The following GTF2E2 variants were observed in gnomAD, a reference collection of about 807,000 sequenced individuals.
GTF2E2 encodes the protein transcription initiation factor IIE subunit beta.
A neutral mutation model predicts 40.5 loss-of-function variants in GTF2E2; 21 were observed. The observed-to-expected ratio is 0.52, with a 90% CI of 0.37 to 0.75. GTF2E2 has a LOEUF of 0.75. Among genes scored for constraint, GTF2E2 ranks in the 30% least tolerant of loss-of-function variants. GTF2E2 has a pLI of 0.00. For synonymous variants in GTF2E2, 117 were observed against 121.6 expected (o/e 0.96, Z 0.25); for missense variants, 298 against 338.4 (o/e 0.88, Z 0.94).
chr8:30,621,401 G>A (rs1048063741), intron 3 of GTF2E2, among the ~76,000 whole-genome samples: 1 of 151,936 alleles, frequency 6.6e-6, no homozygotes, highest in African/African-American at 2.4e-5. Flanking sequence ...GTTGCTAAGG[G>A]GAAGCTACTG....
intron 2 of GTF2E2, among the ~76,000 whole-genome samples, chr8:30,648,957 T>C (rs1015711155): frequency 6.6e-6 from 1 of 152,206 alleles, no homozygotes; most frequent in African/African-American, 2.4e-5. Flanking sequence ...GGGACCTGTT[T>C]GTGGGGAAGA....
intron 2 of GTF2E2, chr8:30,645,420 C>T: frequency 6.5e-7 from 1 of 1,535,698 alleles, no homozygotes; most frequent in Non-Finnish European, 8.7e-7. Flanking sequence ...CCTGCTTTGT[C>T]ATCCTGCTTT....
At chr8:30,607,475 CT>C (rs1585958350) in intron 5 of GTF2E2, among the ~76,000 whole-genome samples, 2 of 152,202 alleles carry the variant, frequency 1.3e-5, no homozygotes, top group East Asian at 3.9e-4. Context: ...GACAAAGGGT[CT>C]CACTATGTTG....
chr8:30,652,260 A>T (rs1802304633), intron 2 of GTF2E2, among the ~76,000 whole-genome samples: 1 of 152,232 alleles, frequency 6.6e-6, no homozygotes, highest in South Asian at 2.1e-4. Flanking sequence ...ACATACAAAG[A>T]CACTATTAAG....
intron 3 of GTF2E2, among the ~76,000 whole-genome samples, chr8:30,627,031 G>A (rs1801297234): frequency 6.6e-6 from 1 of 152,180 alleles, no homozygotes; most frequent in African/African-American, 2.4e-5. Context: ...AGGGGGTATA[G>A]TGGATAGAAT....
At position 30,587,997 on chromosome 8, in the gene GTF2E2, A is replaced by G. The variant is rs912910980; in HGVS notation, c.644-7601T>C. On this transcript the variant is annotated intron_variant, in intron 6 of 7. Coordinates refer to ENST00000355904, the MANE Select transcript of GTF2E2 (RefSeq NM_002095.6). ...CAACTGGGGCAGAGACTTAAAGGAA[A>G]AAGGAGAAAGAGAAGTACAATGAGC... is the stretch of plus-strand genomic sequence containing the variant. Among the ~76,000 whole-genome samples, 20 of 152,198 alleles carry G rather than the reference A, an allele frequency of 1.3e-4. 1 individual carries two copies. Among genetic ancestry groups the G allele is most frequent in the Non-Finnish European group, 5.9e-5 (4 of 68,046 alleles).
chr8:30,619,410 C>T (rs1293591737), intron 3 of GTF2E2, among the ~76,000 whole-genome samples: 159 of 143,984 alleles, frequency 1.1e-3, no homozygotes, highest in African/African-American at 2.1e-4. Flanking sequence ...TTTTTTGAGA[C>T]GGAGTTTCGC....
At chr8:30,612,229 A>G in intron 5 of GTF2E2, 70 bp downstream of exon 5, 2 of 974,498 alleles carry the variant, frequency 2.1e-6, no homozygotes, top group Non-Finnish European at 3.1e-6. Context: ...AAAATGTTTG[A>G]TATTTTTAAA....
chr8:30,611,136 G>T (rs1032216743), intron 5 of GTF2E2, among the ~76,000 whole-genome samples: 3 of 152,292 alleles, frequency 2.0e-5, no homozygotes, highest in Admixed American at 2.0e-4. Flanking sequence ...TAGAAGAACA[G>T]AAGAGACATA....
intron 3 of GTF2E2, among the ~76,000 whole-genome samples, chr8:30,615,096 T>C (rs540768650): frequency 1.4e-4 from 21 of 152,092 alleles, no homozygotes; most frequent in African/African-American, 4.3e-4. Flanking sequence ...CTGGCCAACA[T>C]GGTGAAACCC....
chr8:30,618,063 CCG>C (rs1345853154), intron 3 of GTF2E2, among the ~76,000 whole-genome samples: 1 of 152,092 alleles, frequency 6.6e-6, no homozygotes, highest in Non-Finnish European at 1.5e-5. Flanking sequence ...CTTTGGGAGG[CCG>C]AGGCAGATGG....
At chr8:30,584,086 G>A (rs529843000) in intron 6 of GTF2E2, among the ~76,000 whole-genome samples, 48 of 152,120 alleles carry the variant, frequency 3.2e-4, no homozygotes, top group Middle Eastern at 3.4e-3. Flanking sequence ...GATTACAGGC[G>A]TGAGCCACCG....
At chr8:30,636,873 AAG>A (rs2128724282) in intron 2 of GTF2E2, 17 of 363,604 alleles carry the variant, frequency 4.7e-5, no homozygotes, top group South Asian at 1.6e-4. Context: ...AAAAAAAAAA[AAG>A]AATGCCTTAT....
At chr8:30,588,500 C>T (rs892127620) in intron 6 of GTF2E2, among the ~76,000 whole-genome samples, 10 of 152,086 alleles carry the variant, frequency 6.6e-5, no homozygotes, top group African/African-American at 2.2e-4. Context: ...TTCACCTCTA[C>T]GTGGAATCTA....
At chr8:30,637,653 A>G (rs541947354) in intron 2 of GTF2E2, among the ~76,000 whole-genome samples, 1 of 152,234 alleles carries the variant, frequency 6.6e-6, no homozygotes, top group East Asian at 1.9e-4. Context: ...CCTCCTGAAT[A>G]GCTGGGATTA....
At chr8:30,647,544 G>A (rs528549222) in intron 2 of GTF2E2, among the ~76,000 whole-genome samples, 11 of 152,284 alleles carry the variant, frequency 7.2e-5, no homozygotes, top group Admixed American at 3.3e-4. Flanking sequence ...TCATGCCATC[G>A]CACTCCAGCC....
intron 3 of GTF2E2, among the ~76,000 whole-genome samples, chr8:30,633,992 T>C (rs1240001493): frequency 2.0e-5 from 3 of 152,170 alleles, no homozygotes; most frequent in Admixed American, 1.3e-4. Context: ...TTTTAACCAA[T>C]AGATGGATGA....
intron 2 of GTF2E2, among the ~76,000 whole-genome samples, chr8:30,635,411 G>A (rs890102004): frequency 4.0e-5 from 6 of 151,660 alleles, no homozygotes; most frequent in African/African-American, 9.7e-5. Context: ...AGACAGGGTC[G>A]CATTCCCATT....
intron 7 of GTF2E2, among the ~76,000 whole-genome samples, chr8:30,579,255 G>C (rs1213971118): frequency 6.6e-6 from 1 of 152,146 alleles, no homozygotes; most frequent in Admixed American, 6.5e-5. Flanking sequence ...GGGAATGAAG[G>C]AGCAGGCACA....
Sources: gnomAD v4.1 joint callset for allele counts (sites outside exome capture counted in the v4.1 genomes callset) on GRCh38, gnomAD v4.1.1 for gene constraint, MANE v1.5 for transcripts, NCBI Gene and HGNC (gene_info 2026-07-23, HGNC 2026-07-21) for gene names.